Variants in BRWD3 observed in about 807,000 individuals in gnomAD.
BRWD3 encodes the protein bromodomain and WD repeat-containing protein 3.
In BRWD3, 10 loss-of-function variants were observed where a neutral mutation model predicts 149.7. The ratio of observed to expected loss-of-function variants is 0.07; its 90% CI spans 0.04 to 0.11. The LOEUF (loss-of-function observed/expected upper bound fraction) is 0.11, where lower values mean the gene tolerates loss of function less well. Among genes scored for constraint, BRWD3 ranks in the 10% least tolerant of loss-of-function variants. The probability of loss-of-function intolerance (pLI) is 1.00; values close to 1 mark genes in which losing one functional copy is unlikely to be tolerated. For missense variants in BRWD3, 940 were observed against 1,373.2 expected (o/e 0.68, Z 4.99); for synonymous variants, 504 against 456.7 (o/e 1.10, Z -1.32).
At chrX:80,774,357 G>C (rs947309006) in intron 6 of BRWD3, among the ~76,000 whole-genome samples, 2 of 109,252 alleles carry the variant, frequency 1.8e-5, no homozygotes, top group African/African-American at 6.7e-5. Context: ...TCAACCTCTT[G>C]AGCTCCAGAG....
At chrX:80,678,224 T>C (rs1378050115) in intron 40 of BRWD3, among the ~76,000 whole-genome samples, 1 of 112,053 alleles carries the variant, frequency 8.9e-6, no homozygotes, top group East Asian at 2.8e-4. Context: ...TAAGTGATTA[T>C]ATTTGGAATA....
chrX:80,793,673 C>T lies in BRWD3; in HGVS notation c.280G>A (p.Val94Ile). ...CGACCAACACCTAATAATGTCTGTACCCCAGGAACACTCTGAGGGATCTCT... is the reference window on the plus strand; with the variant it reads ...CGACCAACACCTAATAATGTCTGTATCCCAGGAACACTCTGAGGGATCTCT... Reference protein sequence around the residue: ...DKEIPQSVPGVQTLLGVGRQS... With the variant: ...DKEIPQSVPGIQTLLGVGRQS... The change falls in exon 5 of 41, where the codon GTA becomes ATA. Residue 94 changes from valine to isoleucine, a missense_variant. Val to Ile is a conservative substitution (Grantham distance 29, BLOSUM62 3). Coordinates refer to ENST00000373275, the MANE Select transcript of BRWD3 (RefSeq NM_153252.5). The T allele has an allele frequency of 2.5e-6, 3 of 1,209,600 alleles. No homozygotes were observed. The highest frequency in any genetic ancestry group is 3.4e-6 in the Non-Finnish European group (3 of 893,856).
chrX:80,696,431 C>G (rs1265542134), intron 26 of BRWD3, among the ~76,000 whole-genome samples: 1 of 107,283 alleles, frequency 9.3e-6, no homozygotes, highest in Non-Finnish European at 1.9e-5. Context: ...AAGAGATTAG[C>G]ATTTCCATTT....
chrX:80,746,726 G>A, intron 6 of BRWD3: 2 of 257,828 alleles, frequency 7.8e-6, no homozygotes, highest in Non-Finnish European at 1.1e-5. Context: ...TCATGTTCAA[G>A]CAGGGCAAGA....
intron 36 of BRWD3, 112 bp from the exon 37 acceptor site, chrX:80,684,274 C>G: frequency 1.5e-6 from 1 of 686,750 alleles, no homozygotes; most frequent in Non-Finnish European, 2.2e-6. Context: ...CATTGCTTTT[C>G]AATGTGCCAA....
In BRWD3 at chrX:80,723,741, T is replaced by C. The variant is rs903379493; in HGVS notation, c.1650+7A>G. The C allele has an allele frequency of 2.5e-6, 3 of 1,208,586 alleles. No individual in the cohort carries two copies. Among genetic ancestry groups the C allele is most frequent in the Non-Finnish European group, 1.1e-6 (1 of 893,894 alleles). ...TATACTCTACAGCAAAATTTAAATA[T>C]GCTAACCTTTTCGTAGTATTTACTG... is the stretch of plus-strand genomic sequence containing the variant. On this transcript the variant is annotated splice_region_variant and intron_variant, in intron 16 of 40. Coordinates refer to ENST00000373275, the MANE Select transcript of BRWD3 (RefSeq NM_153252.5).
intron 31 of BRWD3, 47 bp from the exon 32 acceptor site, chrX:80,690,139 GT>G (rs2072592068): frequency 8.7e-7 from 1 of 1,153,418 alleles, no homozygotes; most frequent in Non-Finnish European, 1.2e-6. Flanking sequence ...TATATTTAAA[GT>G]ATATTTTAGG....
At chrX:80,769,341 A>C (rs2073906221) in intron 6 of BRWD3, among the ~76,000 whole-genome samples, 1 of 111,921 alleles carries the variant, frequency 8.9e-6, no homozygotes, top group Admixed American at 9.5e-5. Context: ...CATAGTTGGA[A>C]GTAAAGCACT....
chrX:80,735,280 C>A (rs2073386978), intron 9 of BRWD3, 83 bp from the exon 10 acceptor site: 1 of 727,816 alleles, frequency 1.4e-6, no homozygotes, highest in Non-Finnish European at 2.2e-6. Flanking sequence ...GGATACTGAT[C>A]AATTTAGCAT....
chrX:80,760,920 A>C (rs2073795926), intron 6 of BRWD3, among the ~76,000 whole-genome samples: 1 of 111,317 alleles, frequency 9.0e-6, no homozygotes, highest in Non-Finnish European at 1.9e-5. Flanking sequence ...GGTAATTCCT[A>C]CCTATAATCT....
chrX:80,673,400 T>C lies in BRWD3; in HGVS notation c.*3209A>G, dbSNP rs1187068436. 9.0e-6 allele frequency: 1 copy of C among 111,596 alleles called. No homozygotes were observed. The highest frequency in any genetic ancestry group is 1.9e-5 in the Non-Finnish European group (1 of 53,044). The allele number at this position is 111,596 out of a possible 1,213,427, so 9.2% of individuals were successfully genotyped here. On this transcript the variant is annotated 3_prime_UTR_variant, in exon 41 of 41. Transcript: ENST00000373275. ...ATGATCAAGCAGTAAATATACAGGC[T>C]AAGAGCTGTAGAGAGGCAAAAAGTT...
rs140806909 is a variant in BRWD3 at position 80,757,369 on chromosome X, A to C, written c.431-11640T>G. 2.1e-3 allele frequency among the ~76,000 whole-genome samples: 234 copies of C among 112,261 alleles called. 1 individual carries two copies. Among genetic ancestry groups the C allele is most frequent in the Middle Eastern group, 4.6e-3 (1 of 216 alleles). On this transcript the variant is annotated intron_variant, in intron 6 of 40. Coordinates refer to ENST00000373275, the MANE Select transcript of BRWD3 (RefSeq NM_153252.5). ...TCACCCACTGTTGTTAAGAATTTGC[A>C]ACTTATAAAAAACAATACTTATGAC...
intron 6 of BRWD3, among the ~76,000 whole-genome samples, chrX:80,782,893 C>T (rs761393144): frequency 9.2e-6 from 1 of 108,968 alleles, no homozygotes; most frequent in Non-Finnish European, 1.9e-5. Flanking sequence ...TAAGGCAAGA[C>T]CCTATTTAAA....
chrX:80,786,024 G>C (rs936391450), intron 6 of BRWD3, among the ~76,000 whole-genome samples: 2 of 111,550 alleles, frequency 1.8e-5, no homozygotes, highest in Non-Finnish European at 3.8e-5. Flanking sequence ...GCAAGACTCT[G>C]TCTCAAAAGA....
In BRWD3 at chrX:80,685,354, G is replaced by C; in HGVS notation, c.4080+108C>G. On this transcript the variant is annotated intron_variant, in intron 36 of 40. Transcript: ENST00000373275. Reference sequence around the variant, plus strand: ...AAAAATCAAACAAAGGTAAAAAGGGGAGCAGAGTTAGAAGGCAGTCCTTAC... The same window carrying C: ...AAAAATCAAACAAAGGTAAAAAGGGCAGCAGAGTTAGAAGGCAGTCCTTAC... The C allele has an allele frequency of 4.4e-6, 3 of 679,732 alleles. No individual in the cohort carries two copies. In the South Asian group the frequency reaches 7.6e-5, roughly 17 times the overall value. 56.0% of individuals were successfully genotyped at this position (679,732 alleles called of 1,213,427 possible). A position where few individuals can be genotyped will look rare whatever the true frequency, so the allele number is the denominator to read the frequency against.
intron 6 of BRWD3, among the ~76,000 whole-genome samples, chrX:80,763,905 T>G (rs533066821): frequency 8.9e-6 from 1 of 111,980 alleles, no homozygotes. Flanking sequence ...GACCCTAGAA[T>G]ATAGAAAACA....
At chrX:80,714,740 G>A (rs184962244) in intron 20 of BRWD3, among the ~76,000 whole-genome samples, 4 of 111,643 alleles carry the variant, frequency 3.6e-5, no homozygotes, top group East Asian at 5.7e-4. Context: ...TTGATTCTTC[G>A]TCAAAGGCAC....
intron 40 of BRWD3, among the ~76,000 whole-genome samples, chrX:80,677,878 A>G (rs934968617): frequency 1.8e-5 from 2 of 111,850 alleles, no homozygotes; most frequent in African/African-American, 6.5e-5. Flanking sequence ...AAGGGAATGT[A>G]TTTTAGATAG....
chrX:80,791,763 A>G, intron 6 of BRWD3, 91 bp downstream of exon 6: 1 of 662,520 alleles, frequency 1.5e-6, no homozygotes, highest in Non-Finnish European at 2.4e-6. Context: ...TATGCTTCCA[A>G]TTTAATTTTG....
Sources: gnomAD v4.1 joint callset for allele counts (sites outside exome capture counted in the v4.1 genomes callset) on GRCh38, gnomAD v4.1.1 for gene constraint, MANE v1.5 for transcripts, NCBI Gene and HGNC (gene_info 2026-07-23, HGNC 2026-07-21) for gene names.